The following NACC2 variants were observed in gnomAD, a reference collection of about 807,000 sequenced individuals.
NACC2 encodes NACC family member 2.
NACC2 carries 8 observed loss-of-function variants against 25.1 expected under a neutral mutation model. The ratio of observed to expected loss-of-function variants is 0.32; its 90% CI spans 0.19 to 0.57. The LOEUF (loss-of-function observed/expected upper bound fraction) is 0.57. Among genes scored for constraint, NACC2 ranks in the 20% least tolerant of loss-of-function variants. NACC2 has a pLI of 0.89. For synonymous variants in NACC2, 435 were observed against 294.7 expected, an observed-to-expected ratio of 1.48 and a Z score of -4.88; for missense variants, 644 against 650.2, an observed-to-expected ratio of 0.99 and a Z score of 0.10.
At chr9:136,054,941 T>G (rs1840901920) in intron 1 of NACC2, among the ~76,000 whole-genome samples, 1 of 151,902 alleles carries the variant, frequency 6.6e-6, no homozygotes, top group South Asian at 2.1e-4. Flanking sequence ...CCGAGTCCAC[T>G]CCCTGCAGCT....
chr9:136,033,058 T>G (rs992651243), intron 2 of NACC2, among the ~76,000 whole-genome samples: 6 of 151,488 alleles, frequency 4.0e-5, no homozygotes, highest in African/African-American at 1.5e-4. Context: ...CACCTGTAAT[T>G]CCAGCTACTT....
chr9:136,093,126 G>GCT (rs1830450352), intron 1 of NACC2, among the ~76,000 whole-genome samples: 1 of 152,126 alleles, frequency 6.6e-6, no homozygotes, highest in Non-Finnish European at 1.5e-5. Context: ...TCAACATCCC[G>GCT]AAAAGGACAA....
intron 1 of NACC2, among the ~76,000 whole-genome samples, chr9:136,067,499 G>A (rs1223489254): frequency 4.6e-5 from 7 of 152,212 alleles, no homozygotes; most frequent in East Asian, 3.9e-4. Context: ...TCTGAACACC[G>A]CAGGTGATTT....
At position 136,086,710 on chromosome 9, in the gene NACC2, C is replaced by T. The variant is rs541991209; in HGVS notation, c.-60+8479G>A. Among the ~76,000 whole-genome samples the T allele has an allele frequency of 6.6e-6, 1 of 152,342 alleles. No individual in the cohort carries two copies. Among genetic ancestry groups the T allele is most frequent in the Admixed American group, 6.5e-5 (1 of 15,312 alleles). On this transcript the variant is annotated intron_variant, in intron 1 of 5. Coordinates refer to ENST00000277554, the MANE Select transcript of NACC2 (RefSeq NM_144653.5). This position sits in a 1 kb window ranked among gnomAD's most constrained non-coding sequence, Gnocchi z 5.6. The stretch of plus-strand genomic sequence containing the variant: ...CGCCGACTCCTAGGAAAACCCTCCC[C>T]GACCAGTGGCCCCGTTTCCCTCCCA...
At position 136,072,511 on chromosome 9, in the gene NACC2, A is replaced by G. The variant is rs141410972; in HGVS notation, c.-59-21931T>C. Among the ~76,000 whole-genome samples the G allele has an allele frequency of 8.3e-3, 1,265 of 151,948 alleles. 12 individuals are homozygous for G. Among genetic ancestry groups the G allele is most frequent in the Middle Eastern group, 0.014 (4 of 294 alleles). ...AGTGAGCCAAGATCACACCACTGCAATCCAGCCTGCACAACAGGGCAAGAC... is the reference window on the plus strand; with the variant it reads ...AGTGAGCCAAGATCACACCACTGCAGTCCAGCCTGCACAACAGGGCAAGAC... On this transcript the variant is annotated intron_variant, in intron 1 of 5. Coordinates refer to ENST00000277554, the MANE Select transcript of NACC2 (RefSeq NM_144653.5).
At chr9:136,091,686 G>A (rs1452585518) in intron 1 of NACC2, among the ~76,000 whole-genome samples, 2 of 152,184 alleles carry the variant, frequency 1.3e-5, no homozygotes, top group East Asian at 1.9e-4. Context: ...AGCAAACGCA[G>A]GAAGGCCACA....
At chr9:136,073,253 CTCTG>C (rs1830220134) in intron 1 of NACC2, among the ~76,000 whole-genome samples, 1 of 151,930 alleles carries the variant, frequency 6.6e-6, no homozygotes, top group African/African-American at 2.4e-5. Context: ...CATAGGGAGA[CTCTG>C]TCTGTACAAA....
intron 2 of NACC2, among the ~76,000 whole-genome samples, chr9:136,034,413 C>A (rs1000984516): frequency 6.6e-6 from 1 of 152,006 alleles, no homozygotes; most frequent in South Asian, 2.1e-4. Context: ...TCAGGAAGAA[C>A]CCCAGAGTGT....
At chr9:136,085,852 G>A (rs921507402) in intron 1 of NACC2, among the ~76,000 whole-genome samples, 2 of 152,250 alleles carry the variant, frequency 1.3e-5, no homozygotes, top group African/African-American at 4.8e-5. Flanking sequence ...CCACAATCCT[G>A]AACTCACTGT....
intron 5 of NACC2, among the ~76,000 whole-genome samples, chr9:136,012,425 A>T (rs2131130907): frequency 6.6e-6 from 1 of 152,336 alleles, no homozygotes; most frequent in Admixed American, 6.5e-5. Context: ...GAGTGACAGA[A>T]GCCATCACTT....
intron 1 of NACC2, among the ~76,000 whole-genome samples, chr9:136,085,154 TTTTTTTTTTG>T (rs1290901276): frequency 3.1e-5 from 4 of 129,334 alleles, no homozygotes; most frequent in East Asian, 2.2e-4. Flanking sequence ...TTTTTTTTTT[TTTTTTTTTTG>T]GCGAGACTGA....
intron 1 of NACC2, among the ~76,000 whole-genome samples, chr9:136,087,661 G>T (rs1830392408): frequency 6.6e-6 from 1 of 152,232 alleles, no homozygotes; most frequent in Non-Finnish European, 1.5e-5. Context: ...CTCACAGCGG[G>T]AAAACTGAGA....
At chr9:136,031,191 AT>A (rs1209211123) in intron 2 of NACC2, among the ~76,000 whole-genome samples, 1 of 152,236 alleles carries the variant, frequency 6.6e-6, no homozygotes, top group East Asian at 1.9e-4. Context: ...GTTCCAGGTC[AT>A]TAAAGACAAG....
intron 1 of NACC2, among the ~76,000 whole-genome samples, chr9:136,089,255 C>A (rs1331950017): frequency 6.6e-6 from 1 of 152,096 alleles, no homozygotes; most frequent in African/African-American, 2.4e-5. Context: ...CTGAGCCAGG[C>A]TCTGGCCAGG....
chr9:136,087,512 G>C (rs990969889), intron 1 of NACC2, among the ~76,000 whole-genome samples: 7 of 152,236 alleles, frequency 4.6e-5, no homozygotes, highest in African/African-American at 1.7e-4. Context: ...GAGGGCGACA[G>C]AGCCAGTCCT....
intron 1 of NACC2, among the ~76,000 whole-genome samples, chr9:136,088,046 G>T (rs1830397314): frequency 6.6e-6 from 1 of 152,228 alleles, no homozygotes; most frequent in South Asian, 2.1e-4. Flanking sequence ...CTGGAAGACG[G>T]GCACCCCCAG....
chr9:136,074,585 G>C (rs868357778), intron 1 of NACC2, among the ~76,000 whole-genome samples: 12 of 151,254 alleles, frequency 7.9e-5, no homozygotes, highest in African/African-American at 2.7e-4. Flanking sequence ...TAACACAGAC[G>C]GACAGGTCAA....
Position 136,006,621 on chromosome 9 carries a change from A to G in NACC2, c.*4895T>C, listed in dbSNP as rs1382739038. 1 of 152,204 alleles carries G rather than the reference A, an allele frequency of 6.6e-6. No individual in the cohort carries two copies. Among genetic ancestry groups the G allele is most frequent in the Admixed American group, 6.5e-5 (1 of 15,282 alleles). The allele number at this position is 152,204 out of a possible 1,614,324, so 9.4% of individuals were successfully genotyped here. The stretch of plus-strand genomic sequence containing the variant: ...TAATGATCACATCCTTTTGTTTGTC[A>G]TGGATTTCCACTGTCTGAAACGGCT... On this transcript the variant is annotated 3_prime_UTR_variant, in exon 6 of 6. Coordinates refer to ENST00000277554, the MANE Select transcript of NACC2 (RefSeq NM_144653.5).
intron 1 of NACC2, among the ~76,000 whole-genome samples, chr9:136,059,940 C>T (rs1175017102): frequency 6.6e-6 from 1 of 152,258 alleles, no homozygotes; most frequent in Admixed American, 6.5e-5. Context: ...AGGGGCCGCA[C>T]CCTGTCCCCT....
Sources: gnomAD v4.1 joint callset for allele counts (sites outside exome capture counted in the v4.1 genomes callset) on GRCh38, gnomAD v4.1.1 for gene constraint, Gnocchi (gnomAD v3.1) non-coding constraint, MANE v1.5 for transcripts, NCBI Gene and HGNC (gene_info 2026-07-23, HGNC 2026-07-21) for gene names.